Variants in NTRK2 observed in about 807,000 individuals in gnomAD.
NTRK2 encodes neurotrophic receptor tyrosine kinase 2.
A neutral mutation model predicts 94.5 loss-of-function variants in NTRK2; 13 were observed. The ratio of observed to expected loss-of-function variants is 0.14; its 90% CI spans 0.09 to 0.22. The LOEUF (loss-of-function observed/expected upper bound fraction) is 0.22. Among genes scored for constraint, NTRK2 ranks in the 10% least tolerant of loss-of-function variants. The pLI is 1.00. For synonymous variants in NTRK2, 372 were observed against 407.4 expected, an observed-to-expected ratio of 0.91 and a Z score of 1.05; for missense variants, 639 against 1,071.2, an observed-to-expected ratio of 0.60 and a Z score of 5.63.
At chr9:84,785,291 A>G (rs895185752) in intron 12 of NTRK2, among the ~76,000 whole-genome samples, 6 of 152,204 alleles carry the variant, frequency 3.9e-5, no homozygotes, top group Non-Finnish European at 7.3e-5. Context: ...CGTCATAGGT[A>G]AAAACCAACT....
At chr9:84,753,313 G>A (rs563751380) in intron 12 of NTRK2, among the ~76,000 whole-genome samples, 138 of 152,234 alleles carry the variant, frequency 9.1e-4, no homozygotes, top group African/African-American at 3.2e-3. Context: ...ATCCTGTGGG[G>A]TGGTTCTCAA....
rs1040955976 is a variant in NTRK2, at chr9:84,746,820, C to G, written c.1296+1747C>G. ...GCCAGCATGCAGCCATTGCCCACTT[C>G]CATTTTCTTCTGAGCAGTTATCATT... On this transcript the variant is annotated intron_variant, in intron 11 of 18. Coordinates refer to ENST00000277120, the MANE Select transcript of NTRK2 (RefSeq NM_006180.6). Among the ~76,000 whole-genome samples the G allele has an allele frequency of 3.3e-5, 5 of 152,266 alleles. No homozygotes were observed. In the South Asian group the frequency reaches 1.0e-3, roughly 32 times the overall value.
chr9:84,911,400 T>A (rs1012321056), intron 14 of NTRK2, among the ~76,000 whole-genome samples: 1 of 152,192 alleles, frequency 6.6e-6, no homozygotes, highest in African/African-American at 2.4e-5. Flanking sequence ...TGAAACCATC[T>A]AGAATTGGAG....
intron 17 of NTRK2, among the ~76,000 whole-genome samples, chr9:84,977,161 C>T (rs946062926): frequency 2.0e-5 from 3 of 152,158 alleles, no homozygotes; most frequent in South Asian, 2.1e-4. Flanking sequence ...GTTTTATGTA[C>T]GTTTCTGTTT....
At chr9:84,813,223 G>A in intron 12 of NTRK2, 1 of 1,051,862 alleles carries the variant, frequency 9.5e-7, no homozygotes, top group Non-Finnish European at 1.1e-6. Context: ...GTGAGCCGAT[G>A]CCTGCCCTTC....
At chr9:84,991,839 A>G (rs184836312) in intron 17 of NTRK2, among the ~76,000 whole-genome samples, 1 of 152,244 alleles carries the variant, frequency 6.6e-6, no homozygotes, top group East Asian at 1.9e-4. Context: ...TCGAGATGCA[A>G]TGAAGCAAAG....
chr9:84,729,346 C>A (rs1482352200), intron 9 of NTRK2, among the ~76,000 whole-genome samples: 1 of 152,114 alleles, frequency 6.6e-6, no homozygotes, highest in Non-Finnish European at 1.5e-5. Context: ...ACCCAGACAC[C>A]CCTGGCTGTT....
rs1255171444 is a variant in NTRK2, at chr9:84,856,810, A to G, written c.1397-4230A>G. ...ACATAAAGAAATTACATTTGAGAAC[A>G]TGGCAAATTTTAATTTCTTCAGCGT... On this transcript the variant is annotated intron_variant, in intron 12 of 18. Coordinates refer to ENST00000277120, the MANE Select transcript of NTRK2 (RefSeq NM_006180.6). 2.0e-5 allele frequency among the ~76,000 whole-genome samples: 3 copies of G among 152,320 alleles called. No homozygotes were observed. In the East Asian group the frequency reaches 5.8e-4, roughly 29 times the overall value.
intron 17 of NTRK2, among the ~76,000 whole-genome samples, chr9:85,004,204 C>A (rs2133442040): frequency 6.7e-6 from 1 of 149,740 alleles, no homozygotes; most frequent in East Asian, 2.0e-4. Context: ...CTTGGGCCAG[C>A]AGAGGACAGA....
At chr9:84,919,743 G>A (rs2077503587) in intron 14 of NTRK2, among the ~76,000 whole-genome samples, 1 of 152,088 alleles carries the variant, frequency 6.6e-6, no homozygotes, top group African/African-American at 2.4e-5. Flanking sequence ...GTGTAATCTT[G>A]AGGGCCAAAT....
chr9:84,877,826 G>A (rs1032352123), intron 14 of NTRK2: 11 of 1,045,138 alleles, frequency 1.1e-5, no homozygotes, highest in South Asian at 4.6e-5. Flanking sequence ...GAGATCTTTT[G>A]TACTGGAATT....
intron 10 of NTRK2, among the ~76,000 whole-genome samples, chr9:84,742,818 C>CT (rs1380560058): frequency 6.0e-5 from 4 of 67,220 alleles, no homozygotes; most frequent in East Asian, 4.0e-4. Flanking sequence ...TTTTTTTTTC[C>CT]GAGACGGAGT....
At chr9:84,851,316 C>T (rs544446604) in intron 12 of NTRK2, among the ~76,000 whole-genome samples, 2 of 152,320 alleles carry the variant, frequency 1.3e-5, no homozygotes, top group South Asian at 2.1e-4. Context: ...AATGCAGTCT[C>T]ATCTGATGGG....
At chr9:84,856,894 A>C (rs2075090182) in intron 12 of NTRK2, among the ~76,000 whole-genome samples, 1 of 152,194 alleles carries the variant, frequency 6.6e-6, no homozygotes, top group African/African-American at 2.4e-5. Flanking sequence ...CTGAAACTTA[A>C]AAATATCCAG....
chr9:84,934,399 C>T (rs1022829924), intron 15 of NTRK2, 107 bp downstream of exon 15: 2 of 1,169,888 alleles, frequency 1.7e-6, no homozygotes, highest in Non-Finnish European at 1.2e-6. Context: ...TAAATTGTTC[C>T]TGCTATGATG....
At chr9:84,776,883 T>C (rs1040857604) in intron 12 of NTRK2, among the ~76,000 whole-genome samples, 1 of 152,214 alleles carries the variant, frequency 6.6e-6, no homozygotes, top group African/African-American at 2.4e-5. Context: ...GGCTGTTCAC[T>C]ATACAAACAT....
intron 15 of NTRK2, among the ~76,000 whole-genome samples, chr9:84,941,249 A>G (rs79140238): frequency 0.035 from 5,324 of 152,268 alleles, 157 homozygotes; most frequent in Non-Finnish European, 0.051. Flanking sequence ...GTATGCATGC[A>G]TGCATGCAGG....
chr9:84,712,710 T>C (rs1333516746), intron 6 of NTRK2, among the ~76,000 whole-genome samples: 1 of 152,240 alleles, frequency 6.6e-6, no homozygotes, highest in African/African-American at 2.4e-5. Flanking sequence ...ATATGTCTTG[T>C]TGCAAAAGTA....
intron 17 of NTRK2, among the ~76,000 whole-genome samples, chr9:85,017,299 C>T (rs1832340334): frequency 6.6e-6 from 1 of 152,136 alleles, no homozygotes; most frequent in African/African-American, 2.4e-5. Flanking sequence ...CTCCCAACAA[C>T]ATTAGGAGGT....
Sources: gnomAD v4.1 joint callset for allele counts (sites outside exome capture counted in the v4.1 genomes callset) on GRCh38, gnomAD v4.1.1 for gene constraint, MANE v1.5 for transcripts, NCBI Gene and HGNC (gene_info 2026-07-23, HGNC 2026-07-21) for gene names.